The following CDC14A variants were observed in gnomAD, a reference collection of about 807,000 sequenced individuals.
CDC14A encodes the protein dual specificity protein phosphatase CDC14A.
CDC14A carries 53 observed loss-of-function variants against 74.4 expected under a neutral mutation model. The observed-to-expected ratio is 0.71, with a 90% CI of 0.57 to 0.89. The LOEUF (loss-of-function observed/expected upper bound fraction) is 0.89, where lower values mean the gene tolerates loss of function less well. Among genes scored for constraint, CDC14A ranks in the 40% least tolerant of loss-of-function variants. The pLI is 0.00. For missense variants in CDC14A, 646 were observed against 713.7 expected (o/e 0.91, Z 1.08); for synonymous variants, 247 against 258.4 (o/e 0.96, Z 0.43).
At chr1:100,364,061 C>T (rs6694714) in intron 2 of CDC14A, among the ~76,000 whole-genome samples, 18,768 of 151,706 alleles carry the variant, frequency 0.12, 1,375 homozygotes, top group Non-Finnish European at 0.16. Context: ...CTTAGGAGGT[C>T]GAGGCTTCAG....
chr1:100,475,946 C>G (rs372117473), intron 10 of CDC14A, among the ~76,000 whole-genome samples: 149 of 152,244 alleles, frequency 9.8e-4, no homozygotes, highest in African/African-American at 3.5e-3. Context: ...GAGGGATTGA[C>G]AAAGGGTAAA....
intron 1 of CDC14A, 79 bp downstream of exon 1, chr1:100,353,082 C>A: frequency 6.7e-7 from 1 of 1,482,328 alleles, no homozygotes. Context: ...TCCCCACCTT[C>A]TCCTGAGGCT....
Position 100,432,436 on chromosome 1 carries a change from C to G in CDC14A, c.390-7496C>G, listed in dbSNP as rs564637426. Among the ~76,000 whole-genome samples, 41 of 152,260 alleles carry G rather than the reference C, an allele frequency of 2.7e-4. No homozygotes were observed. In the Middle Eastern group the frequency reaches 0.01, roughly 38 times the overall value. On this transcript the variant is annotated intron_variant, in intron 5 of 15. Coordinates refer to ENST00000336454, the MANE Select transcript of CDC14A (RefSeq NM_003672.4). ...TAGTAGCTACATGTGTTATTGAACA[C>G]TTGAAATCAGTCTAGTCCAAACTGA...
At chr1:100,434,830 G>T (rs1396469246) in intron 5 of CDC14A, among the ~76,000 whole-genome samples, 1 of 152,142 alleles carries the variant, frequency 6.6e-6, no homozygotes, top group Non-Finnish European at 1.5e-5. Context: ...CCATGTAGGT[G>T]GTTGGCTGTA....
At chr1:100,356,237 G>A (rs1651866636) in intron 2 of CDC14A, among the ~76,000 whole-genome samples, 1 of 152,170 alleles carries the variant, frequency 6.6e-6, no homozygotes, top group Non-Finnish European at 1.5e-5. Context: ...GGGCAGCCAT[G>A]GTATGACTTG....
At chr1:100,379,957 G>A (rs908903379) in intron 3 of CDC14A, among the ~76,000 whole-genome samples, 3 of 152,126 alleles carry the variant, frequency 2.0e-5, no homozygotes, top group East Asian at 1.9e-4. Flanking sequence ...CGTTCATGAG[G>A]GATCTGCCCC....
At chr1:100,411,455 A>T (rs1044240130) in intron 4 of CDC14A, among the ~76,000 whole-genome samples, 1 of 151,864 alleles carries the variant, frequency 6.6e-6, no homozygotes, top group Admixed American at 6.6e-5. Context: ...GGAATCTCCT[A>T]TTGGTTTGTT....
intron 11 of CDC14A, among the ~76,000 whole-genome samples, chr1:100,490,466 C>T (rs1057394731): frequency 2.0e-5 from 3 of 152,084 alleles, no homozygotes; most frequent in South Asian, 2.1e-4. Context: ...AAAAATAGTA[C>T]GGTTTACATT....
chr1:100,453,696 A>G (rs892107905), intron 7 of CDC14A, among the ~76,000 whole-genome samples: 2 of 152,126 alleles, frequency 1.3e-5, no homozygotes, highest in East Asian at 1.9e-4. Flanking sequence ...CTGGAGTGCA[A>G]TGGTGCAAAC....
At chr1:100,355,304 C>T (rs1031047198) in intron 2 of CDC14A, among the ~76,000 whole-genome samples, 19 of 152,146 alleles carry the variant, frequency 1.2e-4, no homozygotes, top group Admixed American at 1.2e-3. Context: ...TCATTATGTT[C>T]AATTCTACAG....
intron 2 of CDC14A, among the ~76,000 whole-genome samples, chr1:100,367,610 G>A (rs1401950235): frequency 6.6e-6 from 1 of 152,158 alleles, no homozygotes; most frequent in Non-Finnish European, 1.5e-5. Context: ...ATGACCTTAA[G>A]ATAAGATAGA....
upstream of CDC14A, among the ~76,000 whole-genome samples, chr1:100,351,284 G>C (rs963200300): frequency 1.3e-5 from 2 of 152,050 alleles, no homozygotes; most frequent in Admixed American, 6.5e-5. Flanking sequence ...CTCTGCACGG[G>C]TGCGCCCCCT....
intron 4 of CDC14A, among the ~76,000 whole-genome samples, chr1:100,396,624 T>G (rs1340589365): frequency 6.6e-6 from 1 of 152,240 alleles, no homozygotes; most frequent in Non-Finnish European, 1.5e-5. Flanking sequence ...TATACAAAAT[T>G]ACATCACTAC....
intron 8 of CDC14A, among the ~76,000 whole-genome samples, chr1:100,456,778 T>G (rs1171541449): frequency 6.6e-6 from 1 of 152,224 alleles, no homozygotes; most frequent in African/African-American, 2.4e-5. Flanking sequence ...TGTGACATAT[T>G]TAATAGGGAA....
chr1:100,352,984 G>A lies in CDC14A; in HGVS notation c.30G>A (p.Gly10=), dbSNP rs771767728. 3 of 1,614,102 alleles carry A rather than the reference G, an allele frequency of 1.9e-6. No individual in the cohort carries two copies. Among genetic ancestry groups the A allele is most frequent in the South Asian group, 1.1e-5 (1 of 91,066 alleles). MAAESGELI[G]ACEFMKDRLY... ...CAGCGGAGTCAGGGGAACTAATCGG[G>A]GCTTGTGAGTTCATGAAAGGTGAGG... is the stretch of plus-strand genomic sequence containing the variant. Residue 10 remains glycine, a synonymous_variant, in exon 1 of 16, where the codon GGG becomes GGA. Coordinates refer to ENST00000336454, the MANE Select transcript of CDC14A (RefSeq NM_003672.4).
chr1:100,426,229 C>T (rs1456170997), intron 5 of CDC14A, among the ~76,000 whole-genome samples: 1 of 152,156 alleles, frequency 6.6e-6, no homozygotes, highest in Admixed American at 6.5e-5. Context: ...TCTCCTGCTT[C>T]AGCCCCCTGA....
intron 7 of CDC14A, among the ~76,000 whole-genome samples, chr1:100,444,858 A>T (rs1157834615): frequency 6.6e-6 from 1 of 152,218 alleles, no homozygotes; most frequent in East Asian, 1.9e-4. Flanking sequence ...TTGTTCTTGG[A>T]TAGAAAGACT....
intron 11 of CDC14A, among the ~76,000 whole-genome samples, chr1:100,491,878 C>CGTTTTTTTT (rs113056189): frequency 2.1e-5 from 3 of 142,092 alleles, no homozygotes; most frequent in Non-Finnish European, 4.5e-5. Context: ...AGCCAGATAC[C>CGTTTTTTTT]TTTTTTTGAG....
intron 4 of CDC14A, among the ~76,000 whole-genome samples, chr1:100,408,608 C>T (rs1660252820): frequency 6.6e-6 from 1 of 152,148 alleles, no homozygotes; most frequent in East Asian, 1.9e-4. Flanking sequence ...TAATAAAAAC[C>T]ACTCTGACTG....
Sources: gnomAD v4.1 joint callset for allele counts (sites outside exome capture counted in the v4.1 genomes callset) on GRCh38, gnomAD v4.1.1 for gene constraint, MANE v1.5 for transcripts, NCBI Gene and HGNC (gene_info 2026-07-23, HGNC 2026-07-21) for gene names.